Variants in ZFPM2 observed in about 807,000 individuals in gnomAD.
The protein encoded by ZFPM2 is zinc finger protein ZFPM2.
ZFPM2 carries 20 observed loss-of-function variants against 98.6 expected under a neutral mutation model. That is an observed-to-expected ratio of 0.20 (90% CI 0.14 to 0.29). The LOEUF (loss-of-function observed/expected upper bound fraction) is 0.29, where lower values mean the gene tolerates loss of function less well. ZFPM2 is among the 10% of genes least tolerant of loss of function. ZFPM2 has a pLI of 1.00. For missense variants in ZFPM2, 1,310 were observed against 1,388.6 expected (o/e 0.94, Z 0.90); for synonymous variants, 518 against 502.7 (o/e 1.03, Z -0.41).
intron 5 of ZFPM2, among the ~76,000 whole-genome samples, chr8:105,717,949 TG>T (rs754504395): frequency 6.6e-6 from 1 of 151,746 alleles, no homozygotes; most frequent in East Asian, 2.0e-4. Context: ...TGAACCCAAG[TG>T]GTTAGACTCC....
intron 5 of ZFPM2, among the ~76,000 whole-genome samples, chr8:105,681,333 C>T (rs1388361141): frequency 2.0e-5 from 3 of 152,130 alleles, no homozygotes; most frequent in African/African-American, 7.2e-5. Context: ...TCCTCACAAC[C>T]CCTTTCAGAA....
At chr8:105,591,287 G>A (rs1282267067) in intron 4 of ZFPM2, among the ~76,000 whole-genome samples, 1 of 151,434 alleles carries the variant, frequency 6.6e-6, no homozygotes, top group East Asian at 1.9e-4. Context: ...AAACCAAGTG[G>A]CATCTAAATG....
chr8:105,711,659 T>C (rs1191750921), intron 5 of ZFPM2, among the ~76,000 whole-genome samples: 1 of 152,114 alleles, frequency 6.6e-6, no homozygotes, highest in Non-Finnish European at 1.5e-5. Context: ...GCCTTCATGA[T>C]TTTTACCCCC....
intron 1 of ZFPM2, among the ~76,000 whole-genome samples, chr8:105,384,905 C>T (rs1227673514): frequency 6.6e-6 from 1 of 152,142 alleles, no homozygotes; most frequent in Non-Finnish European, 1.5e-5. Flanking sequence ...ATACAGTGCT[C>T]ACTGTGTCCC....
intron 1 of ZFPM2, among the ~76,000 whole-genome samples, chr8:105,346,261 G>C (rs1812524649): frequency 6.6e-6 from 1 of 151,872 alleles, no homozygotes; most frequent in South Asian, 2.1e-4. Flanking sequence ...GTGCATGACT[G>C]TAATCCCAGC....
intron 1 of ZFPM2, among the ~76,000 whole-genome samples, chr8:105,409,635 A>G (rs1490836662): frequency 6.6e-6 from 1 of 151,960 alleles, no homozygotes; most frequent in Non-Finnish European, 1.5e-5. Context: ...TACTCTTTGT[A>G]TTAAATGACA....
intron 3 of ZFPM2, among the ~76,000 whole-genome samples, chr8:105,479,008 T>C (rs530886407): frequency 1.3e-5 from 2 of 152,356 alleles, no homozygotes; most frequent in East Asian, 3.9e-4. Flanking sequence ...TAATGCAATG[T>C]ATAGTCTAGA....
Position 105,349,631 on chromosome 8 carries a change from T to C in ZFPM2, c.40+30650T>C, listed in dbSNP as rs1479893315. ...TTCTAGAAACTCTGCATCATGATTC[T>C]AAATCATAAAGTTCATTGCATACGT... is the stretch of plus-strand genomic sequence containing the variant. On this transcript the variant is annotated intron_variant, in intron 1 of 7. Transcript: ENST00000407775. Among the ~76,000 whole-genome samples, 2 of 152,206 alleles carry C rather than the reference T, an allele frequency of 1.3e-5. 1 individual carries two copies. The highest frequency in any genetic ancestry group is 4.1e-4 in the South Asian group (2 of 4,826).
chr8:105,377,919 A>G (rs1810763902), intron 1 of ZFPM2, among the ~76,000 whole-genome samples: 1 of 152,170 alleles, frequency 6.6e-6, no homozygotes, highest in Non-Finnish European at 1.5e-5. Flanking sequence ...GAACACCTTG[A>G]AGAGTATTCT....
chr8:105,460,059 T>C (rs1490149659), intron 3 of ZFPM2, among the ~76,000 whole-genome samples: 1 of 152,100 alleles, frequency 6.6e-6, no homozygotes, highest in African/African-American at 2.4e-5. Context: ...GGTCCTGCTC[T>C]GGGAAAGAAT....
At chr8:105,696,411 C>T (rs746014918) in intron 5 of ZFPM2, among the ~76,000 whole-genome samples, 62 of 152,154 alleles carry the variant, frequency 4.1e-4, no homozygotes, top group Non-Finnish European at 7.6e-4. Flanking sequence ...GGGTATGTAG[C>T]ATAAAATTTA....
intron 1 of ZFPM2, among the ~76,000 whole-genome samples, chr8:105,336,077 A>G (rs1397455181): frequency 6.6e-6 from 1 of 151,860 alleles, no homozygotes; most frequent in Non-Finnish European, 1.5e-5. Flanking sequence ...TTTACGTTTT[A>G]GAAGGGGATT....
intron 1 of ZFPM2, among the ~76,000 whole-genome samples, chr8:105,363,017 TG>T (rs1331058756): frequency 6.6e-6 from 1 of 152,182 alleles, no homozygotes; most frequent in Non-Finnish European, 1.5e-5. Context: ...CCTTTTCACT[TG>T]GTTAACTTGG....
intron 5 of ZFPM2, among the ~76,000 whole-genome samples, chr8:105,762,956 T>G (rs1443232817): frequency 6.6e-6 from 1 of 151,792 alleles, no homozygotes; most frequent in Non-Finnish European, 1.5e-5. Flanking sequence ...CCTCGTCAAA[T>G]TTGTCTAAAT....
chr8:105,630,320 A>G (rs554340927), intron 4 of ZFPM2, among the ~76,000 whole-genome samples: 1 of 151,496 alleles, frequency 6.6e-6, no homozygotes, highest in East Asian at 2.0e-4. Flanking sequence ...TAGATTTCAT[A>G]TAATCCTGGC....
intron 5 of ZFPM2, among the ~76,000 whole-genome samples, chr8:105,655,716 GTC>G (rs1369027865): frequency 2.0e-5 from 3 of 152,172 alleles, no homozygotes; most frequent in Middle Eastern, 3.2e-3. Flanking sequence ...TCAGAAGAGT[GTC>G]TATGGAAGAG....
At chr8:105,524,020 C>T (rs1814117688) in intron 3 of ZFPM2, among the ~76,000 whole-genome samples, 1 of 152,124 alleles carries the variant, frequency 6.6e-6, no homozygotes, top group African/African-American at 2.4e-5. Context: ...CAATTTAGAG[C>T]TGTATCTACC....
intron 4 of ZFPM2, among the ~76,000 whole-genome samples, chr8:105,587,631 C>G (rs1388263962): frequency 3.4e-5 from 5 of 146,488 alleles, no homozygotes; most frequent in Non-Finnish European, 7.7e-5. Flanking sequence ...TTCTGAAGAG[C>G]ACATTTTTTT....
intron 6 of ZFPM2, among the ~76,000 whole-genome samples, chr8:105,789,841 G>C (rs1232509938): frequency 1.3e-5 from 2 of 151,294 alleles, no homozygotes; most frequent in Non-Finnish European, 3.0e-5. Flanking sequence ...GCCAGTGATG[G>C]TGAGCATTTT....
Sources: gnomAD v4.1 joint callset for allele counts (sites outside exome capture counted in the v4.1 genomes callset) on GRCh38, gnomAD v4.1.1 for gene constraint, MANE v1.5 for transcripts, NCBI Gene and HGNC (gene_info 2026-07-23, HGNC 2026-07-21) for gene names.